Variants in SPOCK1 observed in about 807,000 individuals in gnomAD.
The protein encoded by SPOCK1 is testican-1.
SPOCK1 carries 23 observed loss-of-function variants against 55.3 expected under a neutral mutation model. The observed-to-expected ratio is 0.42, with a 90% CI of 0.30 to 0.59. The LOEUF (loss-of-function observed/expected upper bound fraction) is 0.59, where lower values mean the gene tolerates loss of function less well. Among genes scored for constraint, SPOCK1 ranks in the 20% least tolerant of loss-of-function variants. SPOCK1 has a pLI of 0.22. For missense variants in SPOCK1, 499 were observed against 552.5 expected (o/e 0.90, Z 0.97); for synonymous variants, 226 against 221.0 (o/e 1.02, Z -0.20).
chr5:137,116,521 CT>C (rs1753583756), intron 4 of SPOCK1, among the ~76,000 whole-genome samples: 1 of 152,018 alleles, frequency 6.6e-6, no homozygotes, highest in Admixed American at 6.6e-5. Context: ...TGGCGGGCAC[CT>C]GTAATCCCAG....
rs114177589 is a variant in SPOCK1, at chr5:137,058,667, G to A, written c.589+9048C>T. ...ATTAGAAGGTGATAAATGATACAGAGAAAAATAAATAGGAGAAGGTAGGTA... is the reference window on the plus strand; with the variant it reads ...ATTAGAAGGTGATAAATGATACAGAAAAAAATAAATAGGAGAAGGTAGGTA... On this transcript the variant is annotated intron_variant, in intron 6 of 10. Transcript: ENST00000394945. Among the ~76,000 whole-genome samples the A allele has an allele frequency of 1.1e-3, 164 of 152,310 alleles. 2 individuals are homozygous for A. Among genetic ancestry groups the A allele is most frequent in the African/African-American group, 3.7e-3 (155 of 41,570 alleles).
intron 2 of SPOCK1, among the ~76,000 whole-genome samples, chr5:137,422,319 T>C (rs1042440422): frequency 1.2e-4 from 18 of 152,228 alleles, no homozygotes; most frequent in Non-Finnish European, 2.4e-4. Context: ...TTCCTGTATT[T>C]GAATGTTGGC....
intron 3 of SPOCK1, among the ~76,000 whole-genome samples, chr5:137,207,625 A>C (rs1231825299): frequency 6.6e-6 from 1 of 152,138 alleles, no homozygotes; most frequent in Non-Finnish European, 1.5e-5. Context: ...GAACAGAGAC[A>C]GTGGAGGAGG....
intron 2 of SPOCK1, among the ~76,000 whole-genome samples, chr5:137,498,096 A>G (rs1395628973): frequency 6.6e-6 from 1 of 152,106 alleles, no homozygotes; most frequent in Non-Finnish European, 1.5e-5. Flanking sequence ...GCTGTATTTT[A>G]GTGCAGTCAC....
intron 6 of SPOCK1, among the ~76,000 whole-genome samples, chr5:137,044,117 T>C (rs1352958326): frequency 1.3e-5 from 2 of 152,202 alleles, no homozygotes; most frequent in Non-Finnish European, 2.9e-5. Context: ...GGACACCAGT[T>C]GCTGAACAGA....
chr5:137,220,080 T>C (rs552902629), intron 3 of SPOCK1, among the ~76,000 whole-genome samples: 51 of 152,224 alleles, frequency 3.4e-4, no homozygotes, highest in African/African-American at 1.2e-3. Context: ...GGGGGTCAGT[T>C]GCATCTCCTG....
intron 3 of SPOCK1, among the ~76,000 whole-genome samples, chr5:137,150,640 A>T (rs1223720189): frequency 2.0e-5 from 3 of 152,092 alleles, no homozygotes; most frequent in African/African-American, 7.2e-5. Flanking sequence ...ATTTGGTGGC[A>T]AGGGGTATGT....
intron 6 of SPOCK1, among the ~76,000 whole-genome samples, chr5:136,997,841 C>T (rs1351608860): frequency 6.6e-6 from 1 of 152,126 alleles, no homozygotes; most frequent in East Asian, 1.9e-4. Flanking sequence ...CCCATTTCTC[C>T]CCTAGATCAT....
intron 2 of SPOCK1, among the ~76,000 whole-genome samples, chr5:137,328,412 T>C (rs1159105538): frequency 1.3e-5 from 2 of 152,192 alleles, no homozygotes; most frequent in South Asian, 2.1e-4. Flanking sequence ...AGAGAAAATA[T>C]GATCCATGTG....
At chr5:137,305,347 G>A (rs948553368) in intron 2 of SPOCK1, among the ~76,000 whole-genome samples, 18 of 152,140 alleles carry the variant, frequency 1.2e-4, no homozygotes, top group African/African-American at 2.4e-4. Context: ...CCCTGCATAA[G>A]GATGTCTGCC....
chr5:137,024,866 A>G (rs1321448825), intron 6 of SPOCK1, among the ~76,000 whole-genome samples: 3 of 152,202 alleles, frequency 2.0e-5, no homozygotes, highest in African/African-American at 7.2e-5. Context: ...CTAAATGCCC[A>G]TGAAGAGATG....
At chr5:137,387,537 G>T (rs950281850) in intron 2 of SPOCK1, among the ~76,000 whole-genome samples, 4 of 152,202 alleles carry the variant, frequency 2.6e-5, no homozygotes, top group African/African-American at 9.7e-5. Context: ...AGAAGCCAGT[G>T]TGCAAAGGCT....
At chr5:137,252,314 T>C (rs1756548660) in intron 3 of SPOCK1, among the ~76,000 whole-genome samples, 1 of 152,186 alleles carries the variant, frequency 6.6e-6, no homozygotes, top group Non-Finnish European at 1.5e-5. Flanking sequence ...TTTGGTACAT[T>C]TGAAGAATCA....
intron 2 of SPOCK1, among the ~76,000 whole-genome samples, chr5:137,496,368 A>T (rs1754299721): frequency 6.6e-6 from 1 of 152,262 alleles, no homozygotes; most frequent in Non-Finnish European, 1.5e-5. Flanking sequence ...TTTAAAGCTA[A>T]GCAGGAATTC....
intron 5 of SPOCK1, among the ~76,000 whole-genome samples, chr5:137,101,419 T>G (rs1753262741): frequency 6.6e-6 from 1 of 152,232 alleles, no homozygotes; most frequent in Non-Finnish European, 1.5e-5. Context: ...TCAACAGAAC[T>G]GACAACAAGA....
At chr5:137,491,197 G>A (rs1157905465) in intron 2 of SPOCK1, among the ~76,000 whole-genome samples, 1 of 152,144 alleles carries the variant, frequency 6.6e-6, no homozygotes, top group Non-Finnish European at 1.5e-5. Context: ...TGGCAAGACT[G>A]GAACGTGACC....
chr5:137,265,845 T>G (rs10515493), intron 3 of SPOCK1, among the ~76,000 whole-genome samples: 7,093 of 152,190 alleles, frequency 0.047, 263 homozygotes, highest in East Asian at 0.13. Flanking sequence ...TATTGACTGA[T>G]TTATTTCCCT....
intron 2 of SPOCK1, among the ~76,000 whole-genome samples, chr5:137,268,498 T>A (rs1756900097): frequency 6.6e-6 from 1 of 152,192 alleles, no homozygotes; most frequent in Non-Finnish European, 1.5e-5. Context: ...ATTTATAAGT[T>A]TAAATACAAT....
At chr5:137,035,589 C>T (rs541453871) in intron 6 of SPOCK1, among the ~76,000 whole-genome samples, 1 of 152,300 alleles carries the variant, frequency 6.6e-6, no homozygotes, top group Admixed American at 6.5e-5. Context: ...GCCAGACCAT[C>T]CCTCAGGGTG....
Sources: gnomAD v4.1 joint callset for allele counts (sites outside exome capture counted in the v4.1 genomes callset) on GRCh38, gnomAD v4.1.1 for gene constraint, MANE v1.5 for transcripts, NCBI Gene and HGNC (gene_info 2026-07-23, HGNC 2026-07-21) for gene names.